RALYL: variants seen among roughly 807,000 people sequenced by gnomAD.
RALYL encodes the protein RALY RNA binding protein like.
Under a neutral mutation model 35.1 loss-of-function variants are expected in RALYL, and 29 were observed. The ratio of observed to expected loss-of-function variants is 0.83; its 90% CI spans 0.61 to 1.13. The LOEUF is 1.13. Ranked by LOEUF, RALYL falls within the 50% of genes most tolerant of loss-of-function variation. The pLI is 0.00. For synonymous variants in RALYL, 120 were observed against 127.6 expected, an observed-to-expected ratio of 0.94 and a Z score of 0.40; for missense variants, 359 against 360.4, an observed-to-expected ratio of 1.00 and a Z score of 0.03.
At chr8:84,225,378 A>G (rs1216695222) in intron 1 of RALYL, among the ~76,000 whole-genome samples, 1 of 152,176 alleles carries the variant, frequency 6.6e-6, no homozygotes, top group African/African-American at 2.4e-5. Context: ...TCATGTCACA[A>G]GCTGGCTTAG....
rs1331790811 is a variant in RALYL at position 84,493,197 on chromosome 8, T to C, written c.-23-36102T>C. 2.0e-5 allele frequency among the ~76,000 whole-genome samples: 3 copies of C among 152,268 alleles called. No homozygotes were observed. In the East Asian group the frequency reaches 5.8e-4, roughly 29 times the overall value. ...GTTTTCTGTACCCGTGTTAGTTTGC[T>C]GAGGATGATGGCTTCCAGCTTAATC... On this transcript the variant is annotated intron_variant, in intron 1 of 8. Coordinates refer to ENST00000521268, the MANE Select transcript of RALYL (RefSeq NM_173848.7).
At chr8:84,305,226 CTTTT>C in intron 1 of RALYL, among the ~76,000 whole-genome samples, 1 of 152,198 alleles carries the variant, frequency 6.6e-6, no homozygotes, top group South Asian at 2.1e-4. Flanking sequence ...TGAATAAGAG[CTTTT>C]TGTTTCAGAG....
At chr8:84,822,985 C>T (rs917902819) in intron 4 of RALYL, among the ~76,000 whole-genome samples, 11 of 152,090 alleles carry the variant, frequency 7.2e-5, no homozygotes, top group African/African-American at 2.7e-4. Flanking sequence ...GCGAGGTGCA[C>T]TGAACTGCTG....
intron 1 of RALYL, among the ~76,000 whole-genome samples, chr8:84,284,836 T>C (rs761043574): frequency 6.6e-6 from 1 of 152,244 alleles, no homozygotes; most frequent in South Asian, 2.1e-4. Context: ...TCTTAAAATA[T>C]GTACTTTGAA....
intron 2 of RALYL, among the ~76,000 whole-genome samples, chr8:84,754,319 T>C (rs1810842472): frequency 6.6e-6 from 1 of 152,190 alleles, no homozygotes; most frequent in Non-Finnish European, 1.5e-5. Context: ...AGTCTATTGC[T>C]ACCAATTACA....
In RALYL at chr8:84,398,847, G is replaced by T. The variant is rs867422255; in HGVS notation, c.-23-130452G>T. Reference sequence around the variant, plus strand: ...AAATTAGCCAGGTGTGTTGGCATGCGCCCGTAGTCCCAGCTACTCGGGAGG... The same window carrying T: ...AAATTAGCCAGGTGTGTTGGCATGCTCCCGTAGTCCCAGCTACTCGGGAGG... On this transcript the variant is annotated intron_variant, in intron 1 of 8. Coordinates refer to ENST00000521268, the MANE Select transcript of RALYL (RefSeq NM_173848.7). 5.9e-5 allele frequency among the ~76,000 whole-genome samples: 9 copies of T among 151,896 alleles called. No homozygotes were observed. In the South Asian group the frequency reaches 8.3e-4, roughly 14 times the overall value.
chr8:84,703,458 T>A (rs116183084), intron 2 of RALYL, among the ~76,000 whole-genome samples: 1,596 of 152,206 alleles, frequency 0.01, 35 homozygotes, highest in African/African-American at 0.036. Flanking sequence ...TACATGTGGA[T>A]TTTAAGGTGT....
chr8:84,552,772 T>C (rs2060836896), intron 2 of RALYL, among the ~76,000 whole-genome samples: 1 of 151,996 alleles, frequency 6.6e-6, no homozygotes. Context: ...TATAATGAAG[T>C]GCATGTTCAT....
chr8:84,843,483 G>A (rs528733263), intron 4 of RALYL, among the ~76,000 whole-genome samples: 1 of 152,248 alleles, frequency 6.6e-6, no homozygotes, highest in African/African-American at 2.4e-5. Context: ...CAAAGAAATG[G>A]AAGAACATTC....
At chr8:84,516,924 A>C (rs922122711) in intron 1 of RALYL, among the ~76,000 whole-genome samples, 2 of 152,230 alleles carry the variant, frequency 1.3e-5, no homozygotes, top group Non-Finnish European at 2.9e-5. Context: ...TCAGCGTTGA[A>C]GTTAATAAGA....
chr8:84,822,007 A>C (rs78473939), intron 4 of RALYL, among the ~76,000 whole-genome samples: 2,589 of 152,280 alleles, frequency 0.017, 68 homozygotes, highest in African/African-American at 0.058. Context: ...AAATGAAATA[A>C]TGTGCTTGTA....
At chr8:84,673,768 T>A (rs553602437) in intron 2 of RALYL, among the ~76,000 whole-genome samples, 1 of 152,336 alleles carries the variant, frequency 6.6e-6, no homozygotes, top group South Asian at 2.1e-4. Flanking sequence ...CCATGCTGCT[T>A]TGGTTAGTCT....
At chr8:84,371,968 G>A (rs1052135350) in intron 1 of RALYL, among the ~76,000 whole-genome samples, 5 of 151,368 alleles carry the variant, frequency 3.3e-5, no homozygotes, top group Non-Finnish European at 7.4e-5. Context: ...ACTCAGTTGT[G>A]ATTAGCAGAA....
At chr8:84,681,639 C>A (rs1835522501) in intron 2 of RALYL, among the ~76,000 whole-genome samples, 1 of 151,590 alleles carries the variant, frequency 6.6e-6, no homozygotes, top group African/African-American at 2.4e-5. Context: ...ATTTGACTCT[C>A]TGTCTGTTAT....
intron 2 of RALYL, among the ~76,000 whole-genome samples, chr8:84,752,969 T>G (rs1482917121): frequency 6.6e-6 from 1 of 152,144 alleles, no homozygotes; most frequent in Non-Finnish European, 1.5e-5. Flanking sequence ...TGAAGGCCAC[T>G]GCCCTCCAGC....
At chr8:84,619,391 T>C (rs1820699881) in intron 2 of RALYL, among the ~76,000 whole-genome samples, 1 of 150,280 alleles carries the variant, frequency 6.7e-6, no homozygotes, top group Admixed American at 6.6e-5. Flanking sequence ...TTAAAGTCTG[T>C]TTTATCAGAG....
Position 84,617,779 on chromosome 8 carries a change from T to G in RALYL, c.256+88202T>G, listed in dbSNP as rs1024077430. Among the ~76,000 whole-genome samples, 82 of 151,652 alleles carry G rather than the reference T, an allele frequency of 5.4e-4. 2 individuals carry two copies. Among genetic ancestry groups the G allele is most frequent in the Middle Eastern group, 6.8e-3 (2 of 294 alleles). On this transcript the variant is annotated intron_variant, in intron 2 of 8. Transcript: ENST00000521268. ...TGAAATACGTCCCATCAATACCTAA[T>G]TTATTGAGAGTTTTTAGCATGAAGC...
intron 2 of RALYL, among the ~76,000 whole-genome samples, chr8:84,579,957 T>A (rs1325037226): frequency 6.6e-6 from 1 of 152,226 alleles, no homozygotes; most frequent in African/African-American, 2.4e-5. Context: ...TAGTGTATTT[T>A]ATCATGTAAT....
At chr8:84,223,387 A>C (rs1412701435) in intron 1 of RALYL, among the ~76,000 whole-genome samples, 1 of 152,066 alleles carries the variant, frequency 6.6e-6, no homozygotes, top group Non-Finnish European at 1.5e-5. Flanking sequence ...ACCTGGCATG[A>C]TATGTAAGTC....
Sources: allele counts gnomAD v4.1 joint callset (sites outside exome capture counted in the v4.1 genomes callset), GRCh38; gene constraint gnomAD v4.1.1; transcripts MANE v1.5; gene names NCBI Gene and HGNC (gene_info 2026-07-23, HGNC 2026-07-21).